TENM3: variants seen among roughly 807,000 people sequenced by gnomAD.
The protein encoded by TENM3 is teneurin-3.
A neutral mutation model predicts 255.1 loss-of-function variants in TENM3; 63 were observed. The observed-to-expected ratio is 0.25, with a 90% CI of 0.20 to 0.30. TENM3 has a LOEUF of 0.30. Among genes scored for constraint, TENM3 ranks in the 10% least tolerant of loss-of-function variants. The pLI is 1.00. For synonymous variants in TENM3, 1,306 were observed against 1,322.3 expected, an observed-to-expected ratio of 0.99 and a Z score of 0.27; for missense variants, 2,929 against 3,461.1, an observed-to-expected ratio of 0.85 and a Z score of 3.86.
At chr4:181,772,739 G>A in the TENM3 span, among the ~76,000 whole-genome samples, 40,345 of 152,012 alleles carry the variant, frequency 0.27, 6,649 homozygotes, top group Non-Finnish European at 0.37. Context: ...ATGAAATCAC[G>A]TCATCATCAG....
the TENM3 span, among the ~76,000 whole-genome samples, chr4:181,787,362 G>A: frequency 5.5e-5 from 8 of 145,202 alleles, no homozygotes; most frequent in East Asian, 2.0e-4. Context: ...TTTTTGAGAC[G>A]GAGTCTCACT....
the TENM3 span, among the ~76,000 whole-genome samples, chr4:181,566,813 T>C: frequency 6.6e-6 from 1 of 152,226 alleles, no homozygotes; most frequent in East Asian, 1.9e-4. Flanking sequence ...AGCTAATTTC[T>C]GTGCTTTACT....
chr4:182,624,397 G>T (rs1004416572), intron 4 of TENM3, among the ~76,000 whole-genome samples: 1 of 152,124 alleles, frequency 6.6e-6, no homozygotes, highest in African/African-American at 2.4e-5. Context: ...TTCTCTACAC[G>T]CAGCTTTGCC....
the TENM3 span, among the ~76,000 whole-genome samples, chr4:181,617,599 T>G: frequency 1.3e-5 from 2 of 152,134 alleles, no homozygotes; most frequent in South Asian, 2.1e-4. Context: ...TTGTCTACCA[T>G]GGTGATTAGT....
chr4:181,924,471 A>T, the TENM3 span, among the ~76,000 whole-genome samples: 3 of 152,200 alleles, frequency 2.0e-5, no homozygotes, highest in African/African-American at 7.2e-5. Context: ...TACCATGCAC[A>T]TGACTTCCCC....
At chr4:181,983,733 G>A in the TENM3 span, among the ~76,000 whole-genome samples, 1 of 152,048 alleles carries the variant, frequency 6.6e-6, no homozygotes, top group East Asian at 1.9e-4. Flanking sequence ...CACTGGGACC[G>A]ATTTTTTTTC....
intron 3 of TENM3, among the ~76,000 whole-genome samples, chr4:182,483,965 C>T (rs1181191610): frequency 6.6e-6 from 1 of 152,180 alleles, no homozygotes; most frequent in Non-Finnish European, 1.5e-5. Flanking sequence ...GCTTCTCCTC[C>T]AGCACTCAGG....
At chr4:182,075,897 A>C in the TENM3 span, among the ~76,000 whole-genome samples, 1 of 152,152 alleles carries the variant, frequency 6.6e-6, no homozygotes, top group Non-Finnish European at 1.5e-5. Flanking sequence ...GTCTCACCTT[A>C]GTTCTTCATA....
chr4:181,828,142 G>A, the TENM3 span, among the ~76,000 whole-genome samples: 1 of 152,158 alleles, frequency 6.6e-6, no homozygotes, highest in African/African-American at 2.4e-5. Context: ...GTATCCTGAT[G>A]AATGCCCTGG....
the TENM3 span, among the ~76,000 whole-genome samples, chr4:181,624,981 C>A: frequency 3.3e-5 from 5 of 152,158 alleles, no homozygotes; most frequent in African/African-American, 1.2e-4. Context: ...AATCTCAGAG[C>A]AACAAGAGGG....
At chr4:181,919,313 A>T in the TENM3 span, among the ~76,000 whole-genome samples, 1 of 151,922 alleles carries the variant, frequency 6.6e-6, no homozygotes, top group Non-Finnish European at 1.5e-5. Context: ...GAACAGAAAG[A>T]GCTGAGCTGG....
At chr4:181,568,828 C>G in the TENM3 span, among the ~76,000 whole-genome samples, 3 of 152,070 alleles carry the variant, frequency 2.0e-5, no homozygotes, top group Admixed American at 1.3e-4. Context: ...TCCTGTGACA[C>G]AAAGGGCACA....
At chr4:181,875,099 T>C in the TENM3 span, among the ~76,000 whole-genome samples, 1 of 152,212 alleles carries the variant, frequency 6.6e-6, no homozygotes, top group Non-Finnish European at 1.5e-5. Context: ...GCAGCAAGTC[T>C]CTGTTCGCAT....
chr4:182,714,382 C>T, intron 13 of TENM3, 149 bp downstream of exon 13: 1 of 654,210 alleles, frequency 1.5e-6, no homozygotes, highest in Non-Finnish European at 2.4e-6. Flanking sequence ...TGTATGAGTG[C>T]TGATAGAATG....
At chr4:182,584,808 T>C (rs563242351) in intron 3 of TENM3, among the ~76,000 whole-genome samples, 1 of 151,880 alleles carries the variant, frequency 6.6e-6, no homozygotes, top group Non-Finnish European at 1.5e-5. Flanking sequence ...CCTGGCTAAT[T>C]TTTTTGTATT....
intron 3 of TENM3, among the ~76,000 whole-genome samples, chr4:182,569,672 A>C (rs1307152840): frequency 6.6e-6 from 1 of 152,238 alleles, no homozygotes; most frequent in African/African-American, 2.4e-5. Flanking sequence ...CTACTTTACG[A>C]AATGTGACAG....
intron 1 of TENM3, among the ~76,000 whole-genome samples, chr4:182,153,472 G>A (rs1750482803): frequency 6.6e-6 from 1 of 152,064 alleles, no homozygotes; most frequent in Admixed American, 6.6e-5. Context: ...ATACAGTCTT[G>A]CATTTCATTC....
At chr4:181,864,395 G>A in the TENM3 span, among the ~76,000 whole-genome samples, 1 of 152,042 alleles carries the variant, frequency 6.6e-6, no homozygotes, top group Non-Finnish European at 1.5e-5. Flanking sequence ...CTACTTGGGT[G>A]CCAATGGCTA....
At chr4:182,160,344 T>C (rs1751057064) in intron 1 of TENM3, among the ~76,000 whole-genome samples, 1 of 152,162 alleles carries the variant, frequency 6.6e-6, no homozygotes, top group Non-Finnish European at 1.5e-5. Flanking sequence ...AATGGTTACC[T>C]TTTTCCACAT....
Sources: allele counts gnomAD v4.1 joint callset (sites outside exome capture counted in the v4.1 genomes callset), GRCh38; gene constraint gnomAD v4.1.1; transcripts MANE v1.5; gene names NCBI Gene and HGNC (gene_info 2026-07-23, HGNC 2026-07-21).